Variants in DEFB121 observed in about 807,000 individuals in gnomAD.
DEFB121 encodes the protein beta-defensin 121.
A neutral mutation model predicts 2.5 loss-of-function variants in DEFB121; 5 were observed. The observed-to-expected ratio is 1.96, with a 90% CI of 1.03 to 4.13. The LOEUF (loss-of-function observed/expected upper bound fraction) is 4.13. DEFB121 is among the 30% of genes most tolerant of loss of function. The pLI is 0.00. For missense variants in DEFB121, 87 were observed against 85.0 expected, an observed-to-expected ratio of 1.02 and a Z score of -0.09; for synonymous variants, 39 against 32.6, an observed-to-expected ratio of 1.20 and a Z score of -0.67.
intron 1 of DEFB121, 63 bp from the exon 2 acceptor site, chr20:31,405,148 G>A: frequency 6.6e-7 from 1 of 1,520,348 alleles, no homozygotes; most frequent in Non-Finnish European, 8.8e-7. Flanking sequence ...AGGTGTGAAA[G>A]GAAGAGGCTA....
At chr20:31,406,217 T>C (rs778515730), upstream of DEFB121, 1 of 1,606,934 alleles carries the variant, frequency 6.2e-7, no homozygotes, top group Non-Finnish European at 8.5e-7. Flanking sequence ...GAGGACTCCA[T>C]TCTGGGCAGT....
chr20:31,405,210 T>C, intron 1 of DEFB121, 125 bp from the exon 2 acceptor site: 1 of 873,346 alleles, frequency 1.1e-6, no homozygotes, highest in Non-Finnish European at 1.7e-6. Context: ...GGGAAGAAGC[T>C]CTTACACAGG....
intron 1 of DEFB121, among the ~76,000 whole-genome samples, chr20:31,411,759 G>A (rs1035338998): frequency 6.6e-6 from 1 of 152,194 alleles, no homozygotes; most frequent in African/African-American, 2.4e-5. Context: ...GGAGCCTGGA[G>A]TCCACATATT....
chr20:31,411,559 A>C (rs1243094462), intron 1 of DEFB121, among the ~76,000 whole-genome samples: 1 of 146,468 alleles, frequency 6.8e-6, no homozygotes, highest in South Asian at 2.1e-4. Flanking sequence ...GAATGTATGA[A>C]CGCAGAGCAA....
upstream of DEFB121, among the ~76,000 whole-genome samples, chr20:31,413,194 A>AAG (rs1978709740): frequency 6.6e-6 from 1 of 152,226 alleles, no homozygotes; most frequent in Non-Finnish European, 1.5e-5. Flanking sequence ...GTGCGGGGAG[A>AAG]TGAGGCCAGA....
upstream of DEFB121, among the ~76,000 whole-genome samples, chr20:31,415,336 G>A (rs767285508): frequency 3.4e-5 from 5 of 147,548 alleles, no homozygotes; most frequent in Admixed American, 6.8e-5. Context: ...TGTAACGTCC[G>A]CCTCCCAGAT....
upstream of DEFB121, among the ~76,000 whole-genome samples, chr20:31,407,800 C>T (rs1978531423): frequency 1.3e-5 from 2 of 152,178 alleles, no homozygotes; most frequent in South Asian, 4.1e-4. Flanking sequence ...TTCTTTAAGA[C>T]AGAGTCTTGC....
upstream of DEFB121, among the ~76,000 whole-genome samples, chr20:31,413,895 G>A (rs1477859749): frequency 3.9e-5 from 6 of 152,144 alleles, no homozygotes; most frequent in African/African-American, 4.8e-5. Context: ...TATGGAAAAC[G>A]GTATGGAGGT....
upstream of DEFB121, among the ~76,000 whole-genome samples, chr20:31,413,647 A>C (rs1006951386): frequency 6.6e-5 from 10 of 152,078 alleles, no homozygotes; most frequent in Non-Finnish European, 1.5e-4. Context: ...GAGAGTCTTC[A>C]ACTAGCCATT....
chr20:31,405,040 T>C lies in DEFB121; in HGVS notation c.104A>G (p.Lys35Arg), dbSNP rs182756366. The change falls in exon 2 of 2, where the codon AAA becomes AGA. Residue 35 changes from lysine (K) to arginine (R), a missense_variant. Transcript: ENST00000376314. The stretch of plus-strand genomic sequence containing the variant: ...TAATATATAGTATACTTCACTTTCT[T>C]TACATGTTGTTCTGCACCTGCCTGA... ...GKSGRCRTTC[K>R]ESEVYYILCK... 5 of 1,610,950 alleles carry C rather than the reference T, an allele frequency of 3.1e-6. No homozygotes were observed. In the East Asian group the frequency reaches 8.9e-5, roughly 29 times the overall value.
intron 1 of DEFB121, among the ~76,000 whole-genome samples, chr20:31,411,647 C>A (rs1203093003): frequency 6.6e-6 from 1 of 151,312 alleles, no homozygotes; most frequent in Non-Finnish European, 1.5e-5. Flanking sequence ...AATGAATCTG[C>A]AAATGGTACA....
chr20:31,418,249 G>C, the DEFB121 span, among the ~76,000 whole-genome samples: 1 of 85,534 alleles, frequency 1.2e-5, no homozygotes, highest in Non-Finnish European at 2.4e-5. Context: ...GACAGAGCGA[G>C]ACTCCGTCTC....
In DEFB121 at chr20:31,406,078, C is replaced by A. The variant is rs527553747; in HGVS notation, c.58+17G>T. Reference sequence around the variant, plus strand: ...CAGGTTTCCTGACTCCCATCCCCTTCTGGAGATCCTGTTTACCTGGGGTGA... The same window carrying A: ...CAGGTTTCCTGACTCCCATCCCCTTATGGAGATCCTGTTTACCTGGGGTGA... On this transcript the variant is annotated intron_variant, in intron 1 of 1. Coordinates refer to ENST00000376314, the MANE Select transcript of DEFB121 (RefSeq NM_001011878.3). The A allele has an allele frequency of 3.1e-6, 5 of 1,613,932 alleles. No homozygotes were observed. The East Asian group carries it at 1.1e-4, about 36-fold the overall frequency.
chr20:31,417,567 T>A (rs376309102), upstream of DEFB121, among the ~76,000 whole-genome samples: 1 of 151,518 alleles, frequency 6.6e-6, no homozygotes, highest in Non-Finnish European at 1.5e-5. Context: ...ATCAAAGAAA[T>A]AAGTAAAGGA....
At position 31,405,100 on chromosome 20, in the gene DEFB121, G is replaced by T. The variant is rs1246734646; in HGVS notation, c.59-15C>A. ...ACATTTCATGACTGAAAACAAAAGGGAAGAAGAGAATAGAGTCAGTTTTGA... is the reference window on the plus strand; with the variant it reads ...ACATTTCATGACTGAAAACAAAAGGTAAGAAGAGAATAGAGTCAGTTTTGA... On this transcript the variant is annotated splice_polypyrimidine_tract_variant and intron_variant, in intron 1 of 1. Transcript: ENST00000376314. 5 of 1,590,968 alleles carry T rather than the reference G, an allele frequency of 3.1e-6. No homozygotes were observed. The East Asian group carries it at 1.1e-4, about 36-fold the overall frequency.
upstream of DEFB121, among the ~76,000 whole-genome samples, chr20:31,417,501 T>C: frequency 6.6e-6 from 1 of 151,536 alleles, no homozygotes; most frequent in East Asian, 1.9e-4. Flanking sequence ...GAGTCCAACA[T>C]ATGAAAAATA....
chr20:31,405,303 C>A (rs974204350), intron 1 of DEFB121, among the ~76,000 whole-genome samples: 34 of 151,856 alleles, frequency 2.2e-4, no homozygotes, highest in African/African-American at 8.2e-4. Context: ...CAGAGTCCCC[C>A]CAACTCAGTG....
chr20:31,412,959 C>T, upstream of DEFB121: 1 of 222,780 alleles, frequency 4.5e-6, no homozygotes. Flanking sequence ...TCCCAGCTCT[C>T]CTTGTCCCTC....
upstream of DEFB121, among the ~76,000 whole-genome samples, chr20:31,416,380 A>G (rs1260141559): frequency 2.0e-5 from 3 of 152,146 alleles, no homozygotes; most frequent in African/African-American, 2.4e-5. Context: ...CTTTAAACTG[A>G]GCAGCTCTAC....
Sources: allele counts gnomAD v4.1 joint callset (sites outside exome capture counted in the v4.1 genomes callset), GRCh38; gene constraint gnomAD v4.1.1; transcripts MANE v1.5; gene names NCBI Gene and HGNC (gene_info 2026-07-23, HGNC 2026-07-21).